Variants in CENPE observed in about 807,000 individuals in gnomAD.
CENPE encodes the protein centromere protein E.
A neutral mutation model predicts 336.1 loss-of-function variants in CENPE; 145 were observed. The ratio of observed to expected loss-of-function variants is 0.43; its 90% CI spans 0.38 to 0.50. CENPE has a LOEUF of 0.50. Among genes scored for constraint, CENPE ranks in the 20% least tolerant of loss-of-function variants. The probability of loss-of-function intolerance (pLI) is 0.00; values close to 1 mark genes in which losing one functional copy is unlikely to be tolerated. For missense variants in CENPE, 2,719 were observed against 3,023.3 expected, an observed-to-expected ratio of 0.90 and a Z score of 2.36; for synonymous variants, 1,013 against 984.8, an observed-to-expected ratio of 1.03 and a Z score of -0.54.
chr4:103,112,355 ATATG>A (rs1352165217), intron 46 of CENPE, among the ~76,000 whole-genome samples: 3 of 147,374 alleles, frequency 2.0e-5, no homozygotes, highest in Non-Finnish European at 4.5e-5. Flanking sequence ...ATAAGTATAT[ATATG>A]TAAGTATATA....
In CENPE at chr4:103,123,020, G is replaced by C. The variant is rs1468549502; in HGVS notation, c.6994C>G (p.Leu2332Val). The change falls in exon 43 of 49, where the codon CTG becomes GTG. Residue 2332 changes from leucine to valine, a missense_variant. Transcript: ENST00000265148. ...ATISKEWEQD[L>V]KSLKEKNEKL... Reference sequence around the variant, plus strand: ...TCATTTTTCTCTTTCAGTGATTTCAGGTCCTGTTCCCACTCTTTGGATATG... The same window carrying C: ...TCATTTTTCTCTTTCAGTGATTTCACGTCCTGTTCCCACTCTTTGGATATG... 6 of 1,613,872 alleles carry C rather than the reference G, an allele frequency of 3.7e-6. No individual in the cohort carries two copies. The highest frequency in any genetic ancestry group is 8.5e-7 in the Non-Finnish European group (1 of 1,179,886).
At chr4:103,126,483 T>C (rs559070596) in intron 42 of CENPE, among the ~76,000 whole-genome samples, 2 of 152,234 alleles carry the variant, frequency 1.3e-5, no homozygotes, top group East Asian at 3.9e-4. Flanking sequence ...AAAGGCCTAT[T>C]TGCTACAGTT....
At position 103,106,143 on chromosome 4, in the gene CENPE, A is replaced by G. The variant is rs763608299; in HGVS notation, c.*79T>C. ...TGAAATTAAGCTGCACTACAACATC[A>G]TTACCAGGGATAGACACATAAACAA... is the stretch of plus-strand genomic sequence containing the variant. On this transcript the variant is annotated 3_prime_UTR_variant, in exon 49 of 49. Coordinates refer to ENST00000265148, the MANE Select transcript of CENPE (RefSeq NM_001813.3). The G allele has an allele frequency of 7.6e-5, 67 of 886,744 alleles. No individual in the cohort carries two copies. The highest frequency in any genetic ancestry group is 1.0e-4 in the Non-Finnish European group (62 of 609,084). The allele number at this position is 886,744 out of a possible 1,614,324, so 54.9% of individuals were successfully genotyped here. A position where few individuals can be genotyped will look rare whatever the true frequency, so the allele number is the denominator to read the frequency against.
intron 18 of CENPE, among the ~76,000 whole-genome samples, chr4:103,162,382 T>A (rs1754524333): frequency 6.6e-6 from 1 of 152,022 alleles, no homozygotes; most frequent in South Asian, 2.1e-4. Context: ...GAAAGCAAAC[T>A]GAAGCGATTA....
chr4:103,141,688 C>T, intron 35 of CENPE, 62 bp downstream of exon 35: 2 of 1,217,318 alleles, frequency 1.6e-6, no homozygotes, highest in Admixed American at 2.2e-5. Context: ...ATTTTATATC[C>T]CCAACAATTT....
At chr4:103,117,597 A>G (rs1489047608) in intron 44 of CENPE, among the ~76,000 whole-genome samples, 1 of 137,904 alleles carries the variant, frequency 7.3e-6, no homozygotes, top group Non-Finnish European at 1.6e-5. Flanking sequence ...ACCAATGTGT[A>G]TTAAAAGTCC....
chr4:103,150,420 A>C (rs1449803725), intron 26 of CENPE, among the ~76,000 whole-genome samples: 1 of 152,070 alleles, frequency 6.6e-6, no homozygotes, highest in Non-Finnish European at 1.5e-5. Context: ...CGTTTCTACC[A>C]AAAATACAAC....
intron 9 of CENPE, 94 bp from the exon 10 acceptor site, chr4:103,183,382 C>A: frequency 1.1e-6 from 1 of 946,758 alleles, no homozygotes; most frequent in Non-Finnish European, 1.6e-6. Context: ...AATTAGAGGG[C>A]AGATGCTAAA....
chr4:103,163,506 A>G lies in CENPE; in HGVS notation c.1695T>C (p.His565=), dbSNP rs1754635485. ...EISNLKNLVK[H]AEVYNQDLEN... ...CAAGATCTTGATTATATACTTCTGC[A>G]TGCTTAACTAAATTCTTTAAGTTCG... Residue 565 remains histidine (H), a synonymous_variant, in exon 17 of 49, where the codon CAT becomes CAC. Coordinates refer to ENST00000265148, the MANE Select transcript of CENPE (RefSeq NM_001813.3). 6 of 1,596,092 alleles carry G rather than the reference A, an allele frequency of 3.8e-6. No individual in the cohort carries two copies. Among genetic ancestry groups the G allele is most frequent in the Non-Finnish European group, 5.1e-6 (6 of 1,172,938 alleles).
chr4:103,110,788 G>A lies in CENPE; in HGVS notation c.7724+40C>T, dbSNP rs376049519. On this transcript the variant is annotated intron_variant, in intron 47 of 48. Coordinates refer to ENST00000265148, the MANE Select transcript of CENPE (RefSeq NM_001813.3). ...ACCATGTCCCTACATATATGTAATA[G>A]CCGTAAGCATAATATCCGTATCATG... is the stretch of plus-strand genomic sequence containing the variant. 719 of 1,457,966 alleles carry A rather than the reference G, an allele frequency of 4.9e-4. 1 individual carries two copies. Among genetic ancestry groups the A allele is most frequent in the Non-Finnish European group, 6.4e-4 (692 of 1,081,408 alleles). The allele number at this position is 1,457,966 out of a possible 1,614,324, so 90.3% of individuals were successfully genotyped here.
chr4:103,134,550 G>A (rs917617931), intron 40 of CENPE, among the ~76,000 whole-genome samples: 8 of 149,956 alleles, frequency 5.3e-5, no homozygotes, highest in Admixed American at 3.3e-4. Context: ...GGAGAATGGC[G>A]TGAACCCGGG....
chr4:103,120,972 G>A (rs1340115575), intron 43 of CENPE, among the ~76,000 whole-genome samples: 1 of 152,144 alleles, frequency 6.6e-6, no homozygotes, highest in East Asian at 1.9e-4. Context: ...CTGACCTCAG[G>A]TGATCTGCCT....
rs766970439 is a variant in CENPE, at chr4:103,194,267, G to A, written c.655C>T (p.Pro219Ser). Residue 219 changes from proline (P) to serine (S), a missense_variant, in exon 8 of 49, where the codon CCT becomes TCT. This residue lies in a region of CENPE where 11 missense variants were observed against 54.0 expected (regional missense o/e 0.20). Transcript: ENST00000265148. ...MILESREKGEPSNCEGSVKVS... is the reference protein window; with the variant it reads ...MILESREKGESSNCEGSVKVS... ...TTAACAGATCCTTCACAATTAGAAG[G>A]TTCACCCTTCTCTCTGCTTTCCAAA... The A allele has an allele frequency of 1.2e-6, 2 of 1,612,558 alleles. No homozygotes were observed. Among genetic ancestry groups the A allele is most frequent in the Admixed American group, 1.7e-5 (1 of 59,882 alleles).
At chr4:103,169,371 TAGC>T (rs1286820746) in intron 16 of CENPE, among the ~76,000 whole-genome samples, 1 of 151,924 alleles carries the variant, frequency 6.6e-6, no homozygotes, top group African/African-American at 2.4e-5. Context: ...AAAGAAATAA[TAGC>T]AGAAAATTCC....
At chr4:103,117,972 G>T (rs1001716001) in intron 44 of CENPE, among the ~76,000 whole-genome samples, 1 of 152,116 alleles carries the variant, frequency 6.6e-6, no homozygotes, top group Non-Finnish European at 1.5e-5. Flanking sequence ...CTGTATGAAT[G>T]TACCAGTTTA....
chr4:103,160,878 G>A (rs982666755), intron 20 of CENPE, 99 bp from the exon 21 acceptor site: 1 of 1,140,286 alleles, frequency 8.8e-7, no homozygotes, highest in South Asian at 1.7e-5. Context: ...ATCAGGTAAA[G>A]TTTATTTGAA....
chr4:103,183,053 A>G, intron 10 of CENPE, 148 bp downstream of exon 10: 6 of 863,582 alleles, frequency 6.9e-6, no homozygotes, highest in Non-Finnish European at 1.1e-5. Flanking sequence ...TAAAACAGAA[A>G]GTAAATTCAG....
chr4:103,143,455 A>C (rs1410596013), intron 33 of CENPE, 49 bp from the exon 34 acceptor site: 1 of 1,248,010 alleles, frequency 8.0e-7, no homozygotes. Context: ...AGTACCATCC[A>C]CATGCTATAG....
At position 103,132,572 on chromosome 4, in the gene CENPE, T is replaced by C. The variant is rs575730982; in HGVS notation, c.6924+121A>G. 9 of 470,110 alleles carry C rather than the reference T, an allele frequency of 1.9e-5. No homozygotes were observed. The South Asian group carries it at 3.0e-4, about 16-fold the overall frequency. The allele number at this position is 470,110 out of a possible 1,614,324, so 29.1% of individuals were successfully genotyped here. A position where few individuals can be genotyped will look rare whatever the true frequency, so the allele number is the denominator to read the frequency against. ...TAGAGGAAGAACACGTTTTATCAAA[T>C]CAATTTTTTTAAAGCATATACAAAT... is the stretch of plus-strand genomic sequence containing the variant. On this transcript the variant is annotated intron_variant, in intron 42 of 48. Coordinates refer to ENST00000265148, the MANE Select transcript of CENPE (RefSeq NM_001813.3).
Sources: allele counts gnomAD v4.1 joint callset (sites outside exome capture counted in the v4.1 genomes callset), GRCh38; gene constraint gnomAD v4.1.1; regional missense constraint gnomAD v4.1.1; transcripts MANE v1.5; gene names NCBI Gene and HGNC (gene_info 2026-07-23, HGNC 2026-07-21).